The following UEVLD variants were observed in gnomAD, a reference collection of about 807,000 sequenced individuals.
UEVLD encodes UEV and lactate/malate dehyrogenase domains, also known as ubiquitin-conjugating enzyme E2 variant 3.
In UEVLD, 47 loss-of-function variants were observed where a neutral mutation model predicts 58.6. The ratio of observed to expected loss-of-function variants is 0.80; its 90% confidence interval spans 0.63 to 1.02. UEVLD has a LOEUF of 1.02. UEVLD is among the 50% of genes least tolerant of loss of function. UEVLD has a pLI of 0.00. For synonymous variants in UEVLD, 197 were observed against 195.3 expected (o/e 1.01, Z -0.07); for missense variants, 510 against 550.6 (o/e 0.93, Z 0.74).
intron 7 of UEVLD, among the ~76,000 whole-genome samples, chr11:18,553,599 A>G (rs1355490496): frequency 2.0e-5 from 3 of 152,234 alleles, no homozygotes; most frequent in African/African-American, 7.2e-5. Context: ...CAATAGTGAA[A>G]AAGTGCAACC....
rs149353930 is a variant in UEVLD at position 18,588,634 on chromosome 11, G to T, written c.21C>A (p.Gly7=). ...GCACCTTGCCAAGCAGCCGTCTCAG[G>T]CCCTCGCAGTCGAACTCCATCTCCA... is the stretch of plus-strand genomic sequence containing the variant. MEFDCE[G]LRRLLGKYKF... is the part of the protein sequence containing the mutation. Residue 7 remains glycine (G), a synonymous_variant, in exon 1 of 12, where the codon GGC becomes GGA. Coordinates refer to ENST00000396197, the MANE Select transcript of UEVLD (RefSeq NM_001040697.4). 6.2e-7 allele frequency: 1 copy of T among 1,610,148 alleles called. No individual in the cohort carries two copies.
chr11:18,581,805 G>C (rs988470480), intron 1 of UEVLD, among the ~76,000 whole-genome samples: 10 of 152,150 alleles, frequency 6.6e-5, no homozygotes, highest in Non-Finnish European at 1.5e-4. Context: ...CATTGTTCTA[G>C]CTCTTCACAG....
In UEVLD at chr11:18,560,128, CACACACACACAGAGAGAG is replaced by C. The variant is rs1235120962; in HGVS notation, c.613-1816_613-1799del. Among the ~76,000 whole-genome samples the C allele has an allele frequency of 7.9e-3, 696 of 88,158 alleles. 7 individuals carry two copies. The highest frequency in any genetic ancestry group is 0.032 in the African/African-American group (672 of 20,862). The allele number at this position is 88,158 out of a possible 152,430, so 57.8% of individuals were successfully genotyped here. ...ACACACACACACACACACACACACA[CACACACACACAGAGAGAG>C]AAAGAAAATAACCCTGCTACACTAT... On this transcript the variant is annotated intron_variant, in intron 6 of 11. Coordinates refer to ENST00000396197, the MANE Select transcript of UEVLD (RefSeq NM_001040697.4).
intron 1 of UEVLD, 27 bp from the exon 2 acceptor site, chr11:18,578,835 T>A: frequency 6.7e-7 from 1 of 1,497,546 alleles, no homozygotes; most frequent in Non-Finnish European, 9.1e-7. Context: ...AAGCATGGAG[T>A]AAGAATAAAG....
intron 2 of UEVLD, 34 bp downstream of exon 2, chr11:18,578,690 A>G: frequency 6.7e-7 from 1 of 1,487,742 alleles, no homozygotes. Flanking sequence ...AGTTCAAATA[A>G]TGCAGCATTT....
At chr11:18,540,186 C>T (rs946632609) in intron 9 of UEVLD, among the ~76,000 whole-genome samples, 5 of 152,326 alleles carry the variant, frequency 3.3e-5, no homozygotes, top group Middle Eastern at 3.4e-3. Context: ...CTGCCCTTCA[C>T]AGATATGTAA....
In UEVLD at chr11:18,530,529, G is replaced by C. The variant is rs574970960; in HGVS notation, c.*1791C>G. Reference sequence around the variant, plus strand: ...TTATAAACCCTCCTAACTCCATCTGGATTAACCTATTATATGCTTGCTTTA... The same window carrying C: ...TTATAAACCCTCCTAACTCCATCTGCATTAACCTATTATATGCTTGCTTTA... On this transcript the variant is annotated 3_prime_UTR_variant, in exon 12 of 12. Transcript: ENST00000396197. 4 of 152,074 alleles carry C rather than the reference G, an allele frequency of 2.6e-5. No homozygotes were observed. The highest frequency in any genetic ancestry group is 7.2e-5 in the African/African-American group (3 of 41,468). 9.4% of individuals were successfully genotyped at this position (152,074 alleles called of 1,614,324 possible).
At chr11:18,562,658 G>C (rs1178129155) in intron 6 of UEVLD, among the ~76,000 whole-genome samples, 5 of 152,016 alleles carry the variant, frequency 3.3e-5, no homozygotes, top group Admixed American at 3.3e-4. Flanking sequence ...AAAGTGCTGG[G>C]AGTACAGGTG....
intron 4 of UEVLD, among the ~76,000 whole-genome samples, chr11:18,568,994 A>G (rs1441356206): frequency 6.6e-6 from 1 of 151,996 alleles, no homozygotes; most frequent in Non-Finnish European, 1.5e-5. Flanking sequence ...TTCTGAGTTC[A>G]CACCATTCTA....
intron 1 of UEVLD, 146 bp downstream of exon 1, chr11:18,588,467 G>C: frequency 1.1e-6 from 1 of 913,622 alleles, no homozygotes; most frequent in Non-Finnish European, 1.6e-6. Context: ...CTGGGGCCGC[G>C]CCCCATAGCC....
chr11:18,576,853 G>C (rs1267674023), intron 2 of UEVLD, among the ~76,000 whole-genome samples: 1 of 152,168 alleles, frequency 6.6e-6, no homozygotes, highest in African/African-American at 2.4e-5. Context: ...ATTAAAAACT[G>C]TTCTCACAAT....
At chr11:18,548,413 C>T (rs1256611654) in intron 7 of UEVLD, among the ~76,000 whole-genome samples, 2 of 152,066 alleles carry the variant, frequency 1.3e-5, no homozygotes, top group Non-Finnish European at 2.9e-5. Flanking sequence ...CCTAATTAAG[C>T]CTCTAAGGCC....
intron 5 of UEVLD, 151 bp downstream of exon 5, chr11:18,566,196 G>T: frequency 8.9e-7 from 1 of 1,124,364 alleles, no homozygotes; most frequent in Non-Finnish European, 1.2e-6. Context: ...ACTGCGCCTG[G>T]CCTGAGGCAC....
At chr11:18,565,142 T>C (rs1423116535) in intron 5 of UEVLD, 132 bp from the exon 6 acceptor site, 2 of 587,432 alleles carry the variant, frequency 3.4e-6, no homozygotes, top group East Asian at 5.6e-5. Flanking sequence ...GGGCAAAAAA[T>C]ACTACTGAAC....
At position 18,532,158 on chromosome 11, in the gene UEVLD, A is replaced by T; in HGVS notation, c.*162T>A. 1 of 578,528 alleles carries T rather than the reference A, an allele frequency of 1.7e-6. No individual in the cohort carries two copies. Among genetic ancestry groups the T allele is most frequent in the Non-Finnish European group, 2.8e-6 (1 of 360,756 alleles). The allele number at this position is 578,528 out of a possible 1,614,324, so 35.8% of individuals were successfully genotyped here. On this transcript the variant is annotated 3_prime_UTR_variant, in exon 12 of 12. Transcript: ENST00000396197. ...TTTTCCCCTCCTTGTATAACTCCTT[A>T]AGGATTTACATCACAAAGCTAATCA...
At chr11:18,552,678 A>G (rs1262008646) in intron 7 of UEVLD, among the ~76,000 whole-genome samples, 1 of 151,910 alleles carries the variant, frequency 6.6e-6, no homozygotes, top group Admixed American at 6.6e-5. Flanking sequence ...CCTGACCAAC[A>G]TGGTGAAACC....
chr11:18,534,152 A>G (rs1850691527), intron 11 of UEVLD, among the ~76,000 whole-genome samples, 178 bp downstream of exon 11: 1 of 152,206 alleles, frequency 6.6e-6, no homozygotes, highest in African/African-American at 2.4e-5. Flanking sequence ...CCAAGCTGGC[A>G]GACTTCTCAT....
At chr11:18,538,379 C>G (rs143034675) in intron 9 of UEVLD, among the ~76,000 whole-genome samples, 15,882 of 151,274 alleles carry the variant, frequency 0.1, 820 homozygotes, top group Middle Eastern at 0.13. Context: ...CAGGTTCAAG[C>G]GATTCTATTG....
Position 18,588,696 on chromosome 11 carries a change from C to T in UEVLD, c.-42G>A. ...AGCTAGGTCCCAGGACTCCAGCCCC[C>T]GGACCTTCTTCCGGACTTGCTGCAG... On this transcript the variant is annotated 5_prime_UTR_variant, in exon 1 of 12. Coordinates refer to ENST00000396197, the MANE Select transcript of UEVLD (RefSeq NM_001040697.4). 1 of 1,598,188 alleles carries T rather than the reference C, an allele frequency of 6.3e-7. No homozygotes were observed. Among genetic ancestry groups the T allele is most frequent in the Non-Finnish European group, 8.5e-7 (1 of 1,176,762 alleles).
Sources: allele counts gnomAD v4.1 joint callset (sites outside exome capture counted in the v4.1 genomes callset), GRCh38; gene constraint gnomAD v4.1.1; transcripts MANE v1.5; gene names NCBI Gene and HGNC (gene_info 2026-07-23, HGNC 2026-07-21).